Variants in ABI3BP observed in about 807,000 individuals in gnomAD.
ABI3BP encodes the protein ABI family member 3 binding protein, also known as target of Nesh-SH3.
ABI3BP carries 216 observed loss-of-function variants against 268.6 expected under a neutral mutation model. That is an observed-to-expected ratio of 0.80 (90% confidence interval 0.72 to 0.90). The LOEUF (loss-of-function observed/expected upper bound fraction) is 0.90. Ranked by LOEUF, ABI3BP falls within the 40% of genes least tolerant of loss-of-function variation. ABI3BP has a pLI of 0.00. For synonymous variants in ABI3BP, 730 were observed against 730.0 expected (o/e 1.00, Z 0.00); for missense variants, 2,090 against 2,182.4 (o/e 0.96, Z 0.84).
chr3:100,785,499 T>C (rs1243240680), intron 57 of ABI3BP, among the ~76,000 whole-genome samples: 1 of 152,220 alleles, frequency 6.6e-6, no homozygotes, highest in Non-Finnish European at 1.5e-5. Flanking sequence ...TGAGAGCTGT[T>C]GTTTTCCATA....
At chr3:100,949,923 T>C (rs1453801631) in intron 1 of ABI3BP, among the ~76,000 whole-genome samples, 1 of 152,220 alleles carries the variant, frequency 6.6e-6, no homozygotes, top group Non-Finnish European at 1.5e-5. Flanking sequence ...AACTGTTATA[T>C]GGATAATTTA....
At chr3:100,938,053 C>A (rs1308085399) in intron 1 of ABI3BP, among the ~76,000 whole-genome samples, 3 of 151,938 alleles carry the variant, frequency 2.0e-5, no homozygotes, top group Non-Finnish European at 4.4e-5. Flanking sequence ...GAACAGAAAA[C>A]CAAATACTGC....
chr3:100,941,751 T>C (rs550485170), intron 1 of ABI3BP, among the ~76,000 whole-genome samples: 2 of 152,306 alleles, frequency 1.3e-5, no homozygotes, highest in African/African-American at 4.8e-5. Flanking sequence ...TTACTGACTT[T>C]GTAACCCAAC....
intron 62 of ABI3BP, 71 bp downstream of exon 62, chr3:100,770,672 G>A: frequency 7.4e-7 from 1 of 1,360,122 alleles, no homozygotes; most frequent in Non-Finnish European, 9.6e-7. Context: ...CGTTGACCCA[G>A]GGTACCCCAC....
rs745850997 is a variant in ABI3BP, at chr3:100,789,501, T to C, written c.4040A>G (p.Tyr1347Cys). ...AGATGTTCTGGGCCTCACAGTAGTATAAAATCTGTGTGGCGCTGAAACAGA... is the reference window on the plus strand; with the variant it reads ...AGATGTTCTGGGCCTCACAGTAGTACAAAATCTGTGTGGCGCTGAAACAGA... Reference protein sequence around the residue: ...AKTTQAPHRFYTTVRPRTSDK... With the variant: ...AKTTQAPHRFCTTVRPRTSDK... Residue 1347 changes from tyrosine to cysteine, a missense_variant, in exon 56 of 68, where the codon TAT becomes TGT. Transcript: ENST00000471714. 12 of 1,597,202 alleles carry C rather than the reference T, an allele frequency of 7.5e-6. No individual in the cohort carries two copies. The highest frequency in any genetic ancestry group is 7.7e-6 in the Non-Finnish European group (9 of 1,171,190).
intron 14 of ABI3BP, among the ~76,000 whole-genome samples, chr3:100,857,866 TA>T (rs1179519074): frequency 6.6e-6 from 1 of 152,226 alleles, no homozygotes; most frequent in East Asian, 1.9e-4. Flanking sequence ...TTGAATCTCC[TA>T]GAAGAAAATT....
intron 2 of ABI3BP, among the ~76,000 whole-genome samples, chr3:100,918,030 C>T (rs1040080101): frequency 6.6e-6 from 1 of 151,548 alleles, no homozygotes. Context: ...GTAAATTTTG[C>T]GCCTTGGAGG....
chr3:100,910,482 A>C (rs1322428542), intron 2 of ABI3BP, among the ~76,000 whole-genome samples: 2 of 152,134 alleles, frequency 1.3e-5, no homozygotes, highest in Non-Finnish European at 2.9e-5. Flanking sequence ...ATTTTCATAC[A>C]AATTTCTTTC....
chr3:100,796,620 T>C (rs1316273300), intron 51 of ABI3BP, among the ~76,000 whole-genome samples, 152 bp from the exon 52 acceptor site: 1 of 152,122 alleles, frequency 6.6e-6, no homozygotes, highest in Non-Finnish European at 1.5e-5. Flanking sequence ...GCCTGTTTTC[T>C]TCAAAATGGA....
At position 100,926,432 on chromosome 3, in the gene ABI3BP, G is replaced by C. The variant is rs543789550; in HGVS notation, c.129C>G (p.Ile43Met). 2 of 1,613,442 alleles carry C rather than the reference G, an allele frequency of 1.2e-6. No individual in the cohort carries two copies. Among genetic ancestry groups the C allele is most frequent in the Non-Finnish European group, 1.7e-6 (2 of 1,179,568 alleles). Residue 43 changes from isoleucine (I) to methionine (M), a missense_variant, in exon 2 of 68, where the codon ATC becomes ATG. Coordinates refer to ENST00000471714, the MANE Select transcript of ABI3BP (RefSeq NM_001375547.2). ...GACTTGGACGCAAGAACTTCAAGAG[G>C]ATGGAGTCACTTGTGGTATTGATGT... Reference protein sequence around the residue: ...KVHINTTSDSILLKFLRPSPN... With the variant: ...KVHINTTSDSMLLKFLRPSPN...
chr3:100,840,011 C>T, intron 23 of ABI3BP, 61 bp downstream of exon 23: 4 of 1,371,984 alleles, frequency 2.9e-6, no homozygotes, highest in Non-Finnish European at 3.9e-6. Flanking sequence ...TAGCTGATAT[C>T]AAACCAGAAG....
At chr3:100,860,765 C>T (rs761997958) in intron 14 of ABI3BP, among the ~76,000 whole-genome samples, 12 of 152,142 alleles carry the variant, frequency 7.9e-5, no homozygotes, top group Non-Finnish European at 1.5e-4. Context: ...CCCAAAAGAA[C>T]CCCATGTTCC....
At chr3:100,828,620 C>T (rs1357380171) in intron 33 of ABI3BP, among the ~76,000 whole-genome samples, 168 bp from the exon 34 acceptor site, 1 of 152,098 alleles carries the variant, frequency 6.6e-6, no homozygotes, top group Non-Finnish European at 1.5e-5. Flanking sequence ...TCCTTGGGTA[C>T]CAATTCATCT....
chr3:100,777,024 A>G (rs1321121236), intron 59 of ABI3BP, among the ~76,000 whole-genome samples: 1 of 152,160 alleles, frequency 6.6e-6, no homozygotes, highest in Non-Finnish European at 1.5e-5. Flanking sequence ...TAGCAAGGCC[A>G]TGTCACTGGG....
intron 51 of ABI3BP, among the ~76,000 whole-genome samples, chr3:100,801,425 CAAAAAAA>C (rs68171311): frequency 2.3e-5 from 2 of 87,532 alleles, no homozygotes; most frequent in Non-Finnish European, 4.9e-5. Context: ...GATATCCTGT[CAAAAAAA>C]AAAAAAAAGA....
At chr3:100,984,676 G>A (rs575549486) in intron 1 of ABI3BP, among the ~76,000 whole-genome samples, 3 of 152,088 alleles carry the variant, frequency 2.0e-5, no homozygotes, top group Non-Finnish European at 2.9e-5. Context: ...ATCTTGCTGT[G>A]GAAGGCTCTT....
At chr3:100,866,088 A>G (rs998585260) in intron 10 of ABI3BP, among the ~76,000 whole-genome samples, 2 of 152,248 alleles carry the variant, frequency 1.3e-5, no homozygotes, top group African/African-American at 2.4e-5. Context: ...TTACGAGTCC[A>G]GAAGTTTAGT....
intron 58 of ABI3BP, 43 bp downstream of exon 58, chr3:100,780,089 T>G (rs1212949389): frequency 6.3e-7 from 1 of 1,594,014 alleles, no homozygotes; most frequent in Admixed American, 1.7e-5. Context: ...CCATCCAAGT[T>G]TCAGAGCTGA....
intron 4 of ABI3BP, among the ~76,000 whole-genome samples, chr3:100,887,987 G>T (rs1413706733): frequency 6.6e-6 from 1 of 152,040 alleles, no homozygotes; most frequent in Non-Finnish European, 1.5e-5. Flanking sequence ...TGGGGGTCTG[G>T]TGCACAGGTA....
Sources: allele counts gnomAD v4.1 joint callset (sites outside exome capture counted in the v4.1 genomes callset), GRCh38; gene constraint gnomAD v4.1.1; transcripts MANE v1.5; gene names NCBI Gene and HGNC (gene_info 2026-07-23, HGNC 2026-07-21).